FRK: variants seen among roughly 807,000 people sequenced by gnomAD.
FRK encodes tyrosine-protein kinase FRK.
Under a neutral mutation model 56.4 loss-of-function variants are expected in FRK, and 51 were observed. The ratio of observed to expected loss-of-function variants is 0.90; its 90% CI spans 0.72 to 1.14. The LOEUF (loss-of-function observed/expected upper bound fraction) is 1.14. Ranked by LOEUF, FRK falls within the 50% of genes most tolerant of loss-of-function variation. The probability of loss-of-function intolerance (pLI) is 0.00; values close to 1 mark genes in which losing one functional copy is unlikely to be tolerated. For synonymous variants in FRK, 245 were observed against 217.9 expected, an observed-to-expected ratio of 1.12 and a Z score of -1.10; for missense variants, 570 against 601.4, an observed-to-expected ratio of 0.95 and a Z score of 0.55.
intron 2 of FRK, among the ~76,000 whole-genome samples, chr6:115,985,767 C>T (rs1774366497): frequency 6.6e-6 from 1 of 151,946 alleles, no homozygotes; most frequent in Non-Finnish European, 1.5e-5. Context: ...AGGACTGATG[C>T]TACAACTATT....
chr6:116,061,197 T>A (rs1464921893), upstream of FRK, among the ~76,000 whole-genome samples: 1 of 152,188 alleles, frequency 6.6e-6, no homozygotes, highest in African/African-American at 2.4e-5. Context: ...AGTATTTAGG[T>A]ATTTCTTGTC....
At position 115,940,900 on chromosome 6, in the gene FRK, G is replaced by A. The variant is rs558530438; in HGVS notation, c.*1514C>T. ...ACATTTACACTTTTACTCTGTTGGT[G>A]GGAGTATAAATTAGTTCAACCATTG... On this transcript the variant is annotated 3_prime_UTR_variant, in exon 8 of 8. Transcript: ENST00000606080. The A allele has an allele frequency of 6.6e-6, 1 of 152,262 alleles. No homozygotes were observed. Among genetic ancestry groups the A allele is most frequent in the South Asian group, 2.1e-4 (1 of 4,820 alleles). The allele number at this position is 152,262 out of a possible 1,614,324, so 9.4% of individuals were successfully genotyped here. A position where few individuals can be genotyped will look rare whatever the true frequency, so the allele number is the denominator to read the frequency against.
At chr6:116,095,343 G>A in the FRK span, among the ~76,000 whole-genome samples, 1 of 152,200 alleles carries the variant, frequency 6.6e-6, no homozygotes, top group Non-Finnish European at 1.5e-5. Flanking sequence ...CTTGCACTCA[G>A]CCAAACCTTA....
intron 1 of FRK, among the ~76,000 whole-genome samples, chr6:116,032,663 TG>T (rs1302072350): frequency 1.3e-5 from 2 of 152,138 alleles, no homozygotes; most frequent in Non-Finnish European, 2.9e-5. Flanking sequence ...ACAACTAAAA[TG>T]TCAAGTAGCA....
chr6:116,010,149 G>A (rs1054917140), intron 1 of FRK, among the ~76,000 whole-genome samples: 14 of 152,002 alleles, frequency 9.2e-5, no homozygotes, highest in African/African-American at 3.4e-4. Context: ...TTGAACCAAG[G>A]AGGCGGAGGT....
At chr6:116,005,923 A>T (rs751258701) in intron 1 of FRK, among the ~76,000 whole-genome samples, 1 of 152,216 alleles carries the variant, frequency 6.6e-6, no homozygotes, top group Non-Finnish European at 1.5e-5. Context: ...GTAAAAGGCA[A>T]ACTTCAAAAC....
In FRK at chr6:115,946,065, T is replaced by C. The variant is rs142348506; in HGVS notation, c.959-1640A>G. 2.9e-3 allele frequency among the ~76,000 whole-genome samples: 441 copies of C among 152,268 alleles called. 4 individuals are homozygous for C. Among genetic ancestry groups the C allele is most frequent in the African/African-American group, 9.7e-3 (405 of 41,570 alleles). On this transcript the variant is annotated intron_variant, in intron 5 of 7. Coordinates refer to ENST00000606080, the MANE Select transcript of FRK (RefSeq NM_002031.3). ...TAGCTGCCATACTGTTGACAGATGT[T>C]TTTAGATGTCTGGAGAATTAAAAGA...
Position 115,987,520 on chromosome 6 carries a change from G to A in FRK, c.466+16357C>T, listed in dbSNP as rs772753356. ...GCAATCCTCATTTCTACTCTAACTCGTTATTATTATACACATAAAATTAAG... is the reference window on the plus strand; with the variant it reads ...GCAATCCTCATTTCTACTCTAACTCATTATTATTATACACATAAAATTAAG... On this transcript the variant is annotated intron_variant, in intron 2 of 7. Coordinates refer to ENST00000606080, the MANE Select transcript of FRK (RefSeq NM_002031.3). Among the ~76,000 whole-genome samples the A allele has an allele frequency of 5.9e-5, 9 of 151,944 alleles. 1 individual carries two copies. Among genetic ancestry groups the A allele is most frequent in the South Asian group, 4.2e-4 (2 of 4,802 alleles).
chr6:116,080,300 C>T, the FRK span, among the ~76,000 whole-genome samples: 1 of 152,134 alleles, frequency 6.6e-6, no homozygotes, highest in Non-Finnish European at 1.5e-5. Flanking sequence ...GGACTACAGG[C>T]ACCTGCCACC....
At chr6:116,090,328 G>C in the FRK span, among the ~76,000 whole-genome samples, 1 of 152,168 alleles carries the variant, frequency 6.6e-6, no homozygotes, top group South Asian at 2.1e-4. Flanking sequence ...GTGATGATAC[G>C]GGACAGTGAT....
At chr6:116,022,571 T>C (rs1015813158) in intron 1 of FRK, among the ~76,000 whole-genome samples, 1 of 152,158 alleles carries the variant, frequency 6.6e-6, no homozygotes, top group Non-Finnish European at 1.5e-5. Context: ...GCTCAATAGA[T>C]GCAGAAAAAT....
At chr6:115,945,637 T>C (rs1772410843) in intron 5 of FRK, among the ~76,000 whole-genome samples, 1 of 152,180 alleles carries the variant, frequency 6.6e-6, no homozygotes, top group Non-Finnish European at 1.5e-5. Flanking sequence ...TGAAAAATTC[T>C]CATTCTTCCA....
chr6:115,958,703 A>AGAAAGAAAGAAAGAAAGAAAGAAAGAAG (rs1562257394), intron 4 of FRK, among the ~76,000 whole-genome samples: 1 of 4,738 alleles, frequency 2.1e-4, no homozygotes, highest in African/African-American at 6.4e-4. Flanking sequence ...AAAGAAAGAA[A>AGAAAGAAAGAAAGAAAGAAAGAAAGAAG]GAAGAAAGAA....
intron 2 of FRK, 86 bp downstream of exon 2, chr6:116,003,791 T>C (rs1030165747): frequency 6.8e-7 from 1 of 1,468,760 alleles, no homozygotes; most frequent in African/African-American, 1.4e-5. Context: ...AGGCAAATTT[T>C]AAATGATCGT....
At chr6:115,983,895 C>T (rs1291176219) in intron 2 of FRK, among the ~76,000 whole-genome samples, 1 of 152,116 alleles carries the variant, frequency 6.6e-6, no homozygotes, top group African/African-American at 2.4e-5. Context: ...TCCCTACTGC[C>T]TAAAGTTCAG....
At chr6:115,954,709 A>AT in intron 5 of FRK, among the ~76,000 whole-genome samples, 1 of 152,168 alleles carries the variant, frequency 6.6e-6, no homozygotes, top group East Asian at 1.9e-4. Flanking sequence ...ACAAACAATG[A>AT]TTTTTTTCCT....
At chr6:116,070,013 C>T in the FRK span, among the ~76,000 whole-genome samples, 1 of 151,994 alleles carries the variant, frequency 6.6e-6, no homozygotes, top group Non-Finnish European at 1.5e-5. Context: ...CAAATCCTCA[C>T]TATCACCCAC....
chr6:116,058,565 G>C (rs1166648061), intron 1 of FRK, among the ~76,000 whole-genome samples: 1 of 152,046 alleles, frequency 6.6e-6, no homozygotes, highest in Non-Finnish European at 1.5e-5. Flanking sequence ...ACTTACATGA[G>C]AACATAAGAG....
At chr6:116,075,811 A>G in the FRK span, among the ~76,000 whole-genome samples, 7 of 152,262 alleles carry the variant, frequency 4.6e-5, no homozygotes, top group South Asian at 8.3e-4. Context: ...GTGCTCAAAG[A>G]AGGCTGTTAA....
Sources: allele counts gnomAD v4.1 joint callset (sites outside exome capture counted in the v4.1 genomes callset), GRCh38; gene constraint gnomAD v4.1.1; transcripts MANE v1.5; gene names NCBI Gene and HGNC (gene_info 2026-07-23, HGNC 2026-07-21).